Variants in SLC4A3 observed in about 807,000 individuals in gnomAD.
The protein encoded by SLC4A3 is anion exchange protein 3.
A neutral mutation model predicts 114.2 loss-of-function variants in SLC4A3; 47 were observed. That is an observed-to-expected ratio of 0.41 (90% CI 0.33 to 0.52). The LOEUF (loss-of-function observed/expected upper bound fraction) is 0.52, where lower values mean the gene tolerates loss of function less well. SLC4A3 is among the 20% of genes least tolerant of loss of function. The pLI is 0.21. For synonymous variants in SLC4A3, 693 were observed against 710.3 expected, an observed-to-expected ratio of 0.98 and a Z score of 0.39; for missense variants, 1,312 against 1,668.3, an observed-to-expected ratio of 0.79 and a Z score of 3.72.
chr2:219,638,953 C>A lies in SLC4A3; in HGVS notation c.3023+84C>A. ...CTTGGTTTCAGGGTTATAGCAGGGA[C>A]ATCATTATCAGTATCAGGGTGCTGG... On this transcript the variant is annotated intron_variant, in intron 19 of 22. Transcript: ENST00000358055. The surrounding 1 kb of genome is among the most constrained non-coding windows in gnomAD (Gnocchi z 7.5). 7.0e-7 allele frequency: 1 copy of A among 1,426,206 alleles called. No homozygotes were observed. Among genetic ancestry groups the A allele is most frequent in the East Asian group, 2.3e-5 (1 of 42,872 alleles). The allele number at this position is 1,426,206 out of a possible 1,614,324, so 88.3% of individuals were successfully genotyped here. A position where few individuals can be genotyped will look rare whatever the true frequency, so the allele number is the denominator to read the frequency against.
chr2:219,636,427 G>A lies in SLC4A3; in HGVS notation c.2317G>A (p.Val773Met). 6.2e-7 allele frequency: 1 copy of A among 1,611,416 alleles called. No individual in the cohort carries two copies. Among genetic ancestry groups the A allele is most frequent in the Non-Finnish European group, 8.5e-7 (1 of 1,178,856 alleles). The change falls in exon 15 of 23, where the codon GTG (valine) becomes ATG (methionine). Residue 773 changes from valine (V) to methionine (M), a missense_variant. Physicochemically the swap from Val to Met is conservative, Grantham distance 21. Around this residue, in one of 4 missense-constraint regions of SLC4A3, gnomAD observed 771 missense variants for 977.7 expected, o/e 0.79. Coordinates refer to ENST00000358055, the MANE Select transcript of SLC4A3 (RefSeq NM_005070.4). The surrounding 1 kb of genome is among the most constrained non-coding windows in gnomAD (Gnocchi z 5.5). Reference protein sequence around the residue: ...LVVGFSGPLLVFEEAFFKFCR... With the variant: ...LVVGFSGPLLMFEEAFFKFCR... The stretch of plus-strand genomic sequence containing the variant: ...GGTTGGCTTCTCTGGGCCGCTGCTT[G>A]TGTTTGAGGAAGCCTTCTTCAAGGT...
intron 4 of SLC4A3, 78 bp from the exon 5 acceptor site, chr2:219,629,502 G>A: frequency 1.9e-6 from 3 of 1,588,634 alleles, no homozygotes; most frequent in South Asian, 1.1e-5. Flanking sequence ...CGTGTTGGGG[G>A]CCTGTGTGAG....
chr2:219,628,790 C>A lies in SLC4A3; in HGVS notation c.217+220C>A. On this transcript the variant is annotated intron_variant, in intron 3 of 22. Coordinates refer to ENST00000358055, the MANE Select transcript of SLC4A3 (RefSeq NM_005070.4). The surrounding 1 kb of genome is among the most constrained non-coding windows in gnomAD (Gnocchi z 4.8). ...AGGTGGGCCCCAGACCAGGGGAGAT[C>A]TAGGGAGCTGGGCCTGGGCCCTTCC... 1.6e-6 allele frequency: 1 copy of A among 616,776 alleles called. No individual in the cohort carries two copies. The highest frequency in any genetic ancestry group is 2.1e-5 in the South Asian group (1 of 46,920). 38.2% of individuals were successfully genotyped at this position (616,776 alleles called of 1,614,324 possible). A position where few individuals can be genotyped will look rare whatever the true frequency, so the allele number is the denominator to read the frequency against.
Position 219,638,173 on chromosome 2 carries a change from A to G in SLC4A3, c.2776A>G (p.Ile926Val). ...ACTGGCCCCTCTCAAGGCTCGTCGCATCATCGGGGACTTTGGCATCCCCAT... is the reference window on the plus strand; with the variant it reads ...ACTGGCCCCTCTCAAGGCTCGTCGCGTCATCGGGGACTTTGGCATCCCCAT... ...SRFLGGKARR[I>V]IGDFGIPISI... The change falls in exon 18 of 23, where the codon ATC becomes GTC. Residue 926 changes from isoleucine (I) to valine (V), a missense_variant. Transcript: ENST00000358055. This position sits in a 1 kb window ranked among gnomAD's most constrained non-coding sequence, Gnocchi z 7.5. The G allele has an allele frequency of 6.2e-7, 1 of 1,611,736 alleles. No individual in the cohort carries two copies. Among genetic ancestry groups the G allele is most frequent in the Non-Finnish European group, 8.5e-7 (1 of 1,178,842 alleles).
rs1215763308 is a variant in SLC4A3 at position 219,639,217 on chromosome 2, A to G, written c.3024-265A>G. ...CACCCAGGGATGCTCACATGTATCT[A>G]ATTTTGGTTAAACCACAATAACGTG... On this transcript the variant is annotated intron_variant, in intron 19 of 22. Coordinates refer to ENST00000358055, the MANE Select transcript of SLC4A3 (RefSeq NM_005070.4). The surrounding 1 kb of genome is among the most constrained non-coding windows in gnomAD (Gnocchi z 5.9). Among the ~76,000 whole-genome samples, 1 of 152,142 alleles carries G rather than the reference A, an allele frequency of 6.6e-6. No homozygotes were observed. Among genetic ancestry groups the G allele is most frequent in the African/African-American group, 2.4e-5 (1 of 41,418 alleles).
In SLC4A3 at chr2:219,639,358, AG is replaced by A. The variant is rs1197133457; in HGVS notation, c.3024-123del. The A allele has an allele frequency of 2.6e-6, 3 of 1,138,308 alleles. No homozygotes were observed. In the African/African-American group the frequency reaches 4.6e-5, roughly 18 times the overall value. 70.5% of individuals were successfully genotyped at this position (1,138,308 alleles called of 1,614,324 possible). On this transcript the variant is annotated intron_variant, in intron 19 of 22. Coordinates refer to ENST00000358055, the MANE Select transcript of SLC4A3 (RefSeq NM_005070.4). The surrounding 1 kb of genome is among the most constrained non-coding windows in gnomAD (Gnocchi z 5.9). ...TGGGAACTTGAAAGAAGAAGCTGGC[AG>A]TCCTAGGGAGAACTGTTGTCTGCAC... is the stretch of plus-strand genomic sequence containing the variant.
In SLC4A3 at chr2:219,637,473, C is replaced by T; in HGVS notation, c.2536-108C>T. On this transcript the variant is annotated intron_variant, in intron 16 of 22. Transcript: ENST00000358055. This position sits in a 1 kb window ranked among gnomAD's most constrained non-coding sequence, Gnocchi z 4.6. ...CTGGATGTCCGTGCATTACTGTTGT[C>T]TGACCAGGTATTGAGGGGCCACCCT... 3.1e-6 allele frequency: 2 copies of T among 640,394 alleles called. No individual in the cohort carries two copies. The highest frequency in any genetic ancestry group is 5.6e-6 in the Non-Finnish European group (2 of 355,104). The allele number at this position is 640,394 out of a possible 1,614,324, so 39.7% of individuals were successfully genotyped here. A position where few individuals can be genotyped will look rare whatever the true frequency, so the allele number is the denominator to read the frequency against.
At chr2:219,629,112 G>T in intron 3 of SLC4A3, 32 bp from the exon 4 acceptor site, 1 of 1,539,692 alleles carries the variant, frequency 6.5e-7, no homozygotes, top group Non-Finnish European at 8.7e-7. Context: ...TTTCTGCTGT[G>T]GGGGCCTCAA....
chr2:219,640,620 G>T (rs759194976), intron 21 of SLC4A3, 21 bp downstream of exon 21: 8 of 1,611,020 alleles, frequency 5.0e-6, no homozygotes, highest in Non-Finnish European at 3.4e-6. Context: ...GAAGCATGGG[G>T]GTAGGGCAGT....
rs1220433382 is a variant in SLC4A3, at chr2:219,639,947, T to C, written c.3277+212T>C. Reference sequence around the variant, plus strand: ...GCCCCCTCTTCTCTCTCTTTTTTTTTGAGACGGAGTCTCGCTCTGTCACCC... The same window carrying C: ...GCCCCCTCTTCTCTCTCTTTTTTTTCGAGACGGAGTCTCGCTCTGTCACCC... On this transcript the variant is annotated intron_variant, in intron 20 of 22. Transcript: ENST00000358055. The surrounding 1 kb of genome is among the most constrained non-coding windows in gnomAD (Gnocchi z 5.9). Among the ~76,000 whole-genome samples, 1 of 152,168 alleles carries C rather than the reference T, an allele frequency of 6.6e-6. No homozygotes were observed. The highest frequency in any genetic ancestry group is 1.5e-5 in the Non-Finnish European group (1 of 68,030).
chr2:219,639,938 C>CT lies in SLC4A3; in HGVS notation c.3277+212dup, dbSNP rs962950796. On this transcript the variant is annotated intron_variant, in intron 20 of 22. Coordinates refer to ENST00000358055, the MANE Select transcript of SLC4A3 (RefSeq NM_005070.4). The surrounding 1 kb of genome is among the most constrained non-coding windows in gnomAD (Gnocchi z 5.9). ...CTCTGTCCTGCCCCCTCTTCTCTCTCTTTTTTTTTGAGACGGAGTCTCGCT... is the reference window on the plus strand; with the variant it reads ...CTCTGTCCTGCCCCCTCTTCTCTCTCTTTTTTTTTTGAGACGGAGTCTCGCT... 2.6e-5 allele frequency among the ~76,000 whole-genome samples: 4 copies of CT among 151,122 alleles called. No homozygotes were observed. The highest frequency in any genetic ancestry group is 1.9e-4 in the East Asian group (1 of 5,140).
chr2:219,629,717 C>A, intron 5 of SLC4A3, 22 bp downstream of exon 5: 2 of 1,523,014 alleles, frequency 1.3e-6, no homozygotes, highest in Non-Finnish European at 1.8e-6. Context: ...AGCCTCTACT[C>A]AGCAGGGCCC....
rs1291106533 is a variant in SLC4A3 at position 219,637,046 on chromosome 2, G to A, written c.2535+172G>A. ...CTAGGTCTGAGCTGAAGGGGAGGGA[G>A]TCAGACCCAGGGGGTGGGTGCCAGG... On this transcript the variant is annotated intron_variant, in intron 16 of 22. Coordinates refer to ENST00000358055, the MANE Select transcript of SLC4A3 (RefSeq NM_005070.4). This position sits in a 1 kb window ranked among gnomAD's most constrained non-coding sequence, Gnocchi z 4.6. 5.9e-5 allele frequency among the ~76,000 whole-genome samples: 9 copies of A among 152,030 alleles called. No individual in the cohort carries two copies. In the East Asian group the frequency reaches 7.7e-4, roughly 13 times the overall value.
chr2:219,632,757 A>G (rs888503165), intron 8 of SLC4A3, 117 bp from the exon 9 acceptor site: 4 of 1,337,152 alleles, frequency 3.0e-6, no homozygotes, highest in African/African-American at 2.9e-5. Context: ...ATCTGGGTAC[A>G]TTGGGCGCTT....
chr2:219,633,808 G>A (rs1232868750), intron 10 of SLC4A3, 72 bp from the exon 11 acceptor site: 3 of 1,545,722 alleles, frequency 1.9e-6, no homozygotes, highest in Non-Finnish European at 2.6e-6. Flanking sequence ...GCCAGGGCTG[G>A]AGCCAGGGCT....
In SLC4A3 at chr2:219,632,964, C is replaced by T. The variant is rs753400209; in HGVS notation, c.1232C>T (p.Pro411Leu). The T allele has an allele frequency of 5.0e-5, 81 of 1,613,950 alleles. 1 individual carries two copies. Among genetic ancestry groups the T allele is most frequent in the African/African-American group, 6.7e-5 (5 of 74,900 alleles). ...ETMIVSDQIRPEDRASVLRTL... is the reference protein window; with the variant it reads ...ETMIVSDQIRLEDRASVLRTL... Reference sequence around the variant, plus strand: ...ATGATTGTGTCTGACCAGATCCGGCCGGAGGACAGGGCCAGCGTCCTACGT... The same window carrying T: ...ATGATTGTGTCTGACCAGATCCGGCTGGAGGACAGGGCCAGCGTCCTACGT... The change falls in exon 9 of 23, where the codon CCG (proline) becomes CTG (leucine). Residue 411 changes from proline to leucine, a missense_variant. By Grantham distance (98) the Pro-to-Leu change is moderately conservative (BLOSUM62 -3). Transcript: ENST00000358055.
intron 5 of SLC4A3, among the ~76,000 whole-genome samples, 187 bp downstream of exon 5, chr2:219,629,882 A>AGGGG (rs3214742): frequency 9.5e-6 from 1 of 104,972 alleles, no homozygotes; most frequent in African/African-American, 3.7e-5. Context: ...GGAGAGAACA[A>AGGGG]GGGGGGGGGG....
Position 219,630,218 on chromosome 2 carries a change from C to G in SLC4A3, c.677C>G (p.Ser226Trp), listed in dbSNP as rs36068948. The G allele has an allele frequency of 4.7e-5, 76 of 1,610,760 alleles. No individual in the cohort carries two copies. The highest frequency in any genetic ancestry group is 6.3e-5 in the Non-Finnish European group (74 of 1,177,840). Residue 226 changes from serine (S) to tryptophan (W), a missense_variant, in exon 6 of 23, where the codon TCG (serine) becomes TGG (tryptophan). Ser to Trp is a radical substitution (Grantham distance 177). Around this residue, in one of 4 missense-constraint regions of SLC4A3, gnomAD observed 771 missense variants for 977.7 expected, o/e 0.79. Coordinates refer to ENST00000358055, the MANE Select transcript of SLC4A3 (RefSeq NM_005070.4). This position sits in a 1 kb window ranked among gnomAD's most constrained non-coding sequence, Gnocchi z 6.9. Reference sequence around the variant, plus strand: ...GAGAAAAGCCGGCCCTGGAGCCCATCGGCCAGTTATGACCTGCGGGAGCGA... The same window carrying G: ...GAGAAAAGCCGGCCCTGGAGCCCATGGGCCAGTTATGACCTGCGGGAGCGA... ...AGEKSRPWSP[S>W]ASYDLRERLC... is the part of the protein sequence containing the mutation.
In SLC4A3 at chr2:219,640,957, C is replaced by T. The variant is rs1297838311; in HGVS notation, c.3616C>T (p.Gln1206Ter). The T allele has an allele frequency of 1.2e-6, 2 of 1,605,308 alleles. No individual in the cohort carries two copies. Among genetic ancestry groups the T allele is most frequent in the Admixed American group, 1.7e-5 (1 of 60,004 alleles). The change falls in exon 22 of 23, where the codon CAG becomes TAG. Residue 1206 changes from glutamine (Q) to a stop codon, truncating the protein, a stop_gained. Transcript: ENST00000358055. LOFTEE classifies it high-confidence loss of function. ...CCGGCTCTTCCAGGACAGGGAGCTGCAGGCGGTAAGGGGGTGGTGGTCTGG... is the reference window on the plus strand; with the variant it reads ...CCGGCTCTTCCAGGACAGGGAGCTGTAGGCGGTAAGGGGGTGGTGGTCTGG... ...LPRLFQDREL[Q>*]ALDSEDAEPN...
Sources: allele counts gnomAD v4.1 joint callset (sites outside exome capture counted in the v4.1 genomes callset), GRCh38; gene constraint gnomAD v4.1.1; regional missense constraint gnomAD v4.1.1; non-coding constraint Gnocchi (gnomAD v3.1); transcripts MANE v1.5; gene names NCBI Gene and HGNC (gene_info 2026-07-23, HGNC 2026-07-21).